The following SLAIN2 variants were observed in gnomAD, a reference collection of about 807,000 sequenced individuals.
SLAIN2 encodes SLAIN motif-containing protein 2.
SLAIN2 carries 31 observed loss-of-function variants against 56.6 expected under a neutral mutation model. The observed-to-expected ratio is 0.55, with a 90% CI of 0.41 to 0.74. The LOEUF (loss-of-function observed/expected upper bound fraction) is 0.74. SLAIN2 is among the 30% of genes least tolerant of loss of function. The pLI, the probability that SLAIN2 is intolerant of heterozygous loss-of-function variation, is 0.00. For synonymous variants in SLAIN2, 317 were observed against 284.9 expected (o/e 1.11, Z -1.13); for missense variants, 777 against 754.2 (o/e 1.03, Z -0.35).
At chr4:48,409,478 G>C (rs1716789008) in intron 6 of SLAIN2, among the ~76,000 whole-genome samples, 1 of 152,170 alleles carries the variant, frequency 6.6e-6, no homozygotes, top group Non-Finnish European at 1.5e-5. Context: ...ACACATAACT[G>C]TACTTTGTTC....
chr4:48,408,280 G>T (rs1211875632), intron 6 of SLAIN2, among the ~76,000 whole-genome samples: 2 of 151,848 alleles, frequency 1.3e-5, no homozygotes, highest in Admixed American at 1.3e-4. Context: ...GCAGTGAGGT[G>T]TGATCGCACC....
chr4:48,341,968 G>T lies in SLAIN2; in HGVS notation c.229G>T (p.Gly77Cys), dbSNP rs1714718576. The T allele has an allele frequency of 2.1e-6, 3 of 1,438,460 alleles. No individual in the cohort carries two copies. The highest frequency in any genetic ancestry group is 2.7e-6 in the Non-Finnish European group (3 of 1,101,748). The allele number at this position is 1,438,460 out of a possible 1,614,324, so 89.1% of individuals were successfully genotyped here. Residue 77 changes from glycine to cysteine, a missense_variant, in exon 1 of 8, where the codon GGC (glycine) becomes TGC (cysteine). Gly to Cys is a radical substitution (Grantham distance 159, BLOSUM62 -3). Transcript: ENST00000264313. Reference protein sequence around the residue: ...FPLGLSAKSGGGPGSGPRRTS... With the variant: ...FPLGLSAKSGCGPGSGPRRTS... ...CTTGGGCCTCAGCGCCAAGTCGGGC[G>T]GCGGGCCCGGGTCGGGCCCGAGGCG...
In SLAIN2 at chr4:48,400,359, T is replaced by C. The variant is rs141138457; in HGVS notation, c.1360+16575T>C. Among the ~76,000 whole-genome samples the C allele has an allele frequency of 2.5e-3, 381 of 151,626 alleles. 2 individuals carry two copies. Among genetic ancestry groups the C allele is most frequent in the African/African-American group, 8.0e-3 (332 of 41,378 alleles). On this transcript the variant is annotated intron_variant, in intron 6 of 7. Transcript: ENST00000264313. ...TGGGTCACTGGTGATATTCTCCTTA[T>C]AATTTCTGATTGTGTCTGTTTGATT...
Position 48,341,859 on chromosome 4 carries a change from C to T in SLAIN2, c.120C>T (p.Gly40=). Residue 40 remains glycine, a synonymous_variant, in exon 1 of 8, where the codon GGC becomes GGT. Transcript: ENST00000264313. ...QLRSRSGAVQ[G]AGSLGPGSPV... ...GGAGCCGCTCGGGGGCCGTGCAGGGCGCCGGCTCCCTTGGGCCCGGCAGCC... is the reference window on the plus strand; with the variant it reads ...GGAGCCGCTCGGGGGCCGTGCAGGGTGCCGGCTCCCTTGGGCCCGGCAGCC... 1 of 1,520,980 alleles carries T rather than the reference C, an allele frequency of 6.6e-7. No individual in the cohort carries two copies. The highest frequency in any genetic ancestry group is 8.8e-7 in the Non-Finnish European group (1 of 1,134,920). 94.2% of individuals were successfully genotyped at this position (1,520,980 alleles called of 1,614,324 possible).
intron 1 of SLAIN2, among the ~76,000 whole-genome samples, chr4:48,357,140 G>A (rs1463509365): frequency 1.3e-5 from 2 of 150,890 alleles, no homozygotes; most frequent in Non-Finnish European, 2.9e-5. Flanking sequence ...TATAAGTATA[G>A]TATTATATAT....
chr4:48,403,253 G>C (rs1366066529), intron 6 of SLAIN2, among the ~76,000 whole-genome samples: 1 of 152,190 alleles, frequency 6.6e-6, no homozygotes, highest in Non-Finnish European at 1.5e-5. Flanking sequence ...CAGGTGTGGT[G>C]CTCTGGGGGG....
chr4:48,354,609 G>C (rs1715107591), intron 1 of SLAIN2, among the ~76,000 whole-genome samples: 1 of 151,870 alleles, frequency 6.6e-6, no homozygotes, highest in Non-Finnish European at 1.5e-5. Context: ...TGGGATTACA[G>C]ACACCCACCA....
At chr4:48,351,318 C>T (rs1040516653) in intron 1 of SLAIN2, among the ~76,000 whole-genome samples, 1 of 152,184 alleles carries the variant, frequency 6.6e-6, no homozygotes, top group African/African-American at 2.4e-5. Context: ...GATAATCAGA[C>T]TAAATTGTGT....
intron 1 of SLAIN2, among the ~76,000 whole-genome samples, chr4:48,362,732 C>CTTTTTTTTTTTTTTTTTTCT (rs397716685): frequency 8.6e-6 from 1 of 116,406 alleles, no homozygotes; most frequent in Non-Finnish European, 1.7e-5. Context: ...TTTTAAATTT[C>CTTTTTTTTTTTTTTTTTTCT]TTTTTTTTTT....
chr4:48,391,703 T>C (rs1716239507), intron 6 of SLAIN2, among the ~76,000 whole-genome samples: 2 of 151,926 alleles, frequency 1.3e-5, no homozygotes. Flanking sequence ...ATTCCAGAAA[T>C]AGGGTGTGAT....
chr4:48,390,497 C>G (rs1716211464), intron 6 of SLAIN2, among the ~76,000 whole-genome samples: 1 of 152,068 alleles, frequency 6.6e-6, no homozygotes, highest in African/African-American at 2.4e-5. Context: ...TTAACATCCT[C>G]TTATATATGA....
intron 4 of SLAIN2, among the ~76,000 whole-genome samples, chr4:48,380,313 G>C (rs911621145): frequency 6.6e-6 from 1 of 151,902 alleles, no homozygotes; most frequent in Non-Finnish European, 1.5e-5. Flanking sequence ...ATATGTTTAA[G>C]TACTATGAGG....
At chr4:48,398,972 A>G (rs1282186245) in intron 6 of SLAIN2, among the ~76,000 whole-genome samples, 4 of 152,128 alleles carry the variant, frequency 2.6e-5, no homozygotes, top group East Asian at 1.9e-4. Flanking sequence ...TGTCTTGGCT[A>G]TTGGGGCTCT....
chr4:48,360,602 T>C (rs893028450), intron 1 of SLAIN2, among the ~76,000 whole-genome samples: 2 of 151,914 alleles, frequency 1.3e-5, no homozygotes. Flanking sequence ...CAAAAAAAAT[T>C]AAAAAAAACA....
intron 1 of SLAIN2, among the ~76,000 whole-genome samples, chr4:48,347,416 A>G (rs1714899097): frequency 1.5e-5 from 2 of 136,008 alleles, no homozygotes; most frequent in South Asian, 4.5e-4. Context: ...TGGCTAATTT[A>G]TTTTTTATGT....
intron 6 of SLAIN2, among the ~76,000 whole-genome samples, chr4:48,411,523 A>G (rs1463674524): frequency 6.6e-6 from 1 of 150,486 alleles, no homozygotes; most frequent in Non-Finnish European, 1.5e-5. Flanking sequence ...AGCATTTTGA[A>G]CTCTTCCCTG....
intron 1 of SLAIN2, among the ~76,000 whole-genome samples, chr4:48,356,364 A>G (rs1223658505): frequency 2.0e-5 from 3 of 152,320 alleles, no homozygotes; most frequent in East Asian, 3.9e-4. Context: ...ATTGCTATCT[A>G]TATATGCAGT....
chr4:48,419,980 C>T, intron 6 of SLAIN2, 145 bp from the exon 7 acceptor site: 1 of 783,450 alleles, frequency 1.3e-6, no homozygotes, highest in Non-Finnish European at 2.0e-6. Flanking sequence ...TTTAGTAGCC[C>T]AGGAATAGCT....
intron 6 of SLAIN2, among the ~76,000 whole-genome samples, chr4:48,414,468 T>C (rs1716945890): frequency 6.6e-6 from 1 of 152,180 alleles, no homozygotes; most frequent in African/African-American, 2.4e-5. Flanking sequence ...TCGTTTGCTC[T>C]TCACAGCAAA....
Sources: allele counts gnomAD v4.1 joint callset (sites outside exome capture counted in the v4.1 genomes callset), GRCh38; gene constraint gnomAD v4.1.1; transcripts MANE v1.5; gene names NCBI Gene and HGNC (gene_info 2026-07-23, HGNC 2026-07-21).